The following SEMA6D variants were observed in gnomAD, a reference collection of about 807,000 sequenced individuals.
SEMA6D encodes the protein semaphorin 6D.
Under a neutral mutation model 106.6 loss-of-function variants are expected in SEMA6D, and 35 were observed. That is an observed-to-expected ratio of 0.33 (90% CI 0.25 to 0.44). SEMA6D has a LOEUF of 0.44. Among genes scored for constraint, SEMA6D ranks in the 20% least tolerant of loss-of-function variants. SEMA6D has a pLI of 1.00. For missense variants in SEMA6D, 1,185 were observed against 1,345.9 expected, an observed-to-expected ratio of 0.88 and a Z score of 1.87; for synonymous variants, 499 against 487.7, an observed-to-expected ratio of 1.02 and a Z score of -0.31.
chr15:47,354,176 C>CCTCT (rs879283418), intron 1 of SEMA6D, among the ~76,000 whole-genome samples: 1 of 85,392 alleles, frequency 1.2e-5, no homozygotes, highest in African/African-American at 3.1e-5. Flanking sequence ...AATGAGAAAG[C>CCTCT]CTCTCTCTCT....
intron 1 of SEMA6D, among the ~76,000 whole-genome samples, chr15:47,317,109 T>G (rs1312615641): frequency 6.6e-6 from 1 of 152,194 alleles, no homozygotes; most frequent in African/African-American, 2.4e-5. Context: ...TGTATGATTG[T>G]CTATTTTTTC....
chr15:47,459,785 C>T (rs2042447666), intron 2 of SEMA6D, among the ~76,000 whole-genome samples: 1 of 151,952 alleles, frequency 6.6e-6, no homozygotes, highest in Non-Finnish European at 1.5e-5. Context: ...CTATTAAATT[C>T]TACTTAAAAA....
intron 2 of SEMA6D, among the ~76,000 whole-genome samples, chr15:47,458,660 G>C (rs992956310): frequency 6.6e-6 from 1 of 151,938 alleles, no homozygotes; most frequent in Non-Finnish European, 1.5e-5. Context: ...ATTTTGAAAT[G>C]AATTAAAGTA....
At chr15:47,685,989 G>A (rs1476224760) in intron 4 of SEMA6D, among the ~76,000 whole-genome samples, 4 of 152,294 alleles carry the variant, frequency 2.6e-5, no homozygotes, top group Admixed American at 2.0e-4. Context: ...GAGCAGGTGG[G>A]TGTGGATTTG....
At chr15:47,473,628 G>C (rs1340612915) in intron 3 of SEMA6D, among the ~76,000 whole-genome samples, 5 of 152,010 alleles carry the variant, frequency 3.3e-5, no homozygotes, top group Non-Finnish European at 7.4e-5. Flanking sequence ...AGAGAATTGG[G>C]GTTAATGCTT....
intron 13 of SEMA6D, 97 bp downstream of exon 13, chr15:47,765,153 T>G (rs1463207935): frequency 3.0e-5 from 46 of 1,514,734 alleles, no homozygotes; most frequent in South Asian, 5.4e-5. Context: ...AAATTAGCAG[T>G]GGTTTGGCAT....
At chr15:47,385,377 A>G (rs1175251424) in intron 1 of SEMA6D, among the ~76,000 whole-genome samples, 2 of 152,162 alleles carry the variant, frequency 1.3e-5, no homozygotes, top group Non-Finnish European at 2.9e-5. Flanking sequence ...TGAAGGCAAC[A>G]TGGTCTTTGC....
intron 2 of SEMA6D, among the ~76,000 whole-genome samples, chr15:47,459,429 C>T (rs2042434604): frequency 2.0e-5 from 3 of 151,972 alleles, no homozygotes; most frequent in Admixed American, 2.0e-4. Context: ...AGCCATGTGA[C>T]ATATTTTGTA....
At chr15:47,246,943 C>G (rs2033241297) in intron 1 of SEMA6D, among the ~76,000 whole-genome samples, 1 of 152,122 alleles carries the variant, frequency 6.6e-6, no homozygotes, top group African/African-American at 2.4e-5. Context: ...GAATAGCCAG[C>G]ACAAAGGCAA....
intron 1 of SEMA6D, among the ~76,000 whole-genome samples, chr15:47,371,592 C>T (rs1293930664): frequency 6.6e-6 from 1 of 152,160 alleles, no homozygotes; most frequent in Non-Finnish European, 1.5e-5. Flanking sequence ...AGGTACCCTT[C>T]AGTGCTATCA....
At chr15:47,750,601 A>T (rs1349183714) in intron 1 of SEMA6D, among the ~76,000 whole-genome samples, 1 of 152,174 alleles carries the variant, frequency 6.6e-6, no homozygotes, top group Non-Finnish European at 1.5e-5. Context: ...ACAGATTCTG[A>T]TGTGTCAGCA....
At chr15:47,273,573 A>G (rs929024625) in intron 1 of SEMA6D, among the ~76,000 whole-genome samples, 2 of 152,218 alleles carry the variant, frequency 1.3e-5, no homozygotes, top group African/African-American at 4.8e-5. Flanking sequence ...GTCTTTAGCC[A>G]GAATTCTATC....
chr15:47,730,504 C>A, intron 1 of SEMA6D: 1 of 1,293,686 alleles, frequency 7.7e-7, no homozygotes, highest in Admixed American at 1.7e-5. Context: ...TATTGTCCAC[C>A]AAGGTGGTGA....
chr15:47,391,161 A>G (rs1040706951), intron 1 of SEMA6D, among the ~76,000 whole-genome samples: 1 of 152,208 alleles, frequency 6.6e-6, no homozygotes, highest in Admixed American at 6.5e-5. Context: ...AGCAGTTCAT[A>G]AAAGCTTCCC....
intron 1 of SEMA6D, among the ~76,000 whole-genome samples, chr15:47,373,531 A>G (rs2039348830): frequency 6.6e-6 from 1 of 152,196 alleles, no homozygotes; most frequent in African/African-American, 2.4e-5. Context: ...GCCTTTGTAG[A>G]GGATGAGAAA....
chr15:47,660,905 A>G (rs1402484403), intron 4 of SEMA6D, among the ~76,000 whole-genome samples: 5 of 152,196 alleles, frequency 3.3e-5, no homozygotes, highest in Non-Finnish European at 4.4e-5. Flanking sequence ...TCATTTCTTA[A>G]TAAAGTTAGG....
At chr15:47,332,945 A>G (rs1007890211) in intron 1 of SEMA6D, among the ~76,000 whole-genome samples, 5 of 152,194 alleles carry the variant, frequency 3.3e-5, no homozygotes, top group African/African-American at 9.6e-5. Flanking sequence ...ACTAGTGCCC[A>G]TCTATGGAGC....
chr15:47,759,966 C>G (rs2081972499), intron 2 of SEMA6D, 59 bp downstream of exon 2: 1 of 1,257,794 alleles, frequency 8.0e-7, no homozygotes, highest in Admixed American at 1.8e-5. Context: ...GTTTTTCATT[C>G]TGTAAGCATG....
Position 47,598,568 on chromosome 15 carries a change from A to G in SEMA6D, c.-86-2297A>G, listed in dbSNP as rs964606520. The stretch of plus-strand genomic sequence containing the variant: ...ATATTTCAGACCACTCCCCTGTACA[A>G]AATGATTCCTACATTAGTTCATCTC... On this transcript the variant is annotated intron_variant, in intron 3 of 19. Coordinates refer to the SEMA6D transcript ENST00000558014. Among the ~76,000 whole-genome samples the G allele has an allele frequency of 4.6e-5, 7 of 152,284 alleles. No homozygotes were observed. In the South Asian group the frequency reaches 1.2e-3, roughly 27 times the overall value.
Sources: gnomAD v4.1 joint callset for allele counts (sites outside exome capture counted in the v4.1 genomes callset) on GRCh38, gnomAD v4.1.1 for gene constraint, MANE v1.5 for transcripts, NCBI Gene and HGNC (gene_info 2026-07-23, HGNC 2026-07-21) for gene names.